Variants in FKBP1B observed in about 807,000 individuals in gnomAD.
The protein encoded by FKBP1B is FKBP prolyl isomerase 1B, also known as peptidyl-prolyl cis-trans isomerase FKBP1B.
Under a neutral mutation model 13.5 loss-of-function variants are expected in FKBP1B, and 4 were observed. The ratio of observed to expected loss-of-function variants is 0.30; its 90% CI spans 0.15 to 0.68. The LOEUF (loss-of-function observed/expected upper bound fraction) is 0.68. FKBP1B is among the 30% of genes least tolerant of loss of function. FKBP1B has a pLI of 0.76. For synonymous variants in FKBP1B, 54 were observed against 53.6 expected (o/e 1.01, Z -0.03); for missense variants, 93 against 136.2 (o/e 0.68, Z 1.58).
rs539307800 is a variant in FKBP1B, at chr2:24,057,668, C to T, written c.86-3146C>T. On this transcript the variant is annotated intron_variant, in intron 2 of 3. Transcript: ENST00000380986. ...GATTACAGGCGTGAGCCACCGGGCCCGGCCACCTGGCTAATTTTTAGTTTT... is the reference window on the plus strand; with the variant it reads ...GATTACAGGCGTGAGCCACCGGGCCTGGCCACCTGGCTAATTTTTAGTTTT... Among the ~76,000 whole-genome samples, 10 of 151,994 alleles carry T rather than the reference C, an allele frequency of 6.6e-5. No homozygotes were observed. The South Asian group carries it at 1.5e-3, about 22-fold the overall frequency.
the FKBP1B span, among the ~76,000 whole-genome samples, chr2:24,042,296 G>C: frequency 6.6e-6 from 1 of 152,028 alleles, no homozygotes; most frequent in East Asian, 1.9e-4. Context: ...CCAGCACTTT[G>C]GGAGGCCGAG....
the FKBP1B span, among the ~76,000 whole-genome samples, chr2:24,036,100 A>ATAAG: frequency 6.7e-6 from 1 of 150,312 alleles, no homozygotes; most frequent in Non-Finnish European, 1.5e-5. Context: ...AAATAAATAA[A>ATAAG]TAAATAAAAT....
chr2:24,036,532 A>G, the FKBP1B span, among the ~76,000 whole-genome samples: 7 of 152,346 alleles, frequency 4.6e-5, no homozygotes, highest in East Asian at 1.9e-4. Context: ...TGGTAACTCA[A>G]TTAAAAGTAG....
chr2:24,048,839 CTG>C (rs1408794164), upstream of FKBP1B, among the ~76,000 whole-genome samples: 2 of 152,160 alleles, frequency 1.3e-5, no homozygotes, highest in Non-Finnish European at 2.9e-5. Flanking sequence ...CATGCAGTAA[CTG>C]TGTGTCCCCG....
At chr2:24,049,613 G>A, upstream of FKBP1B, 1 of 367,066 alleles carries the variant, frequency 2.7e-6, no homozygotes, top group Non-Finnish European at 4.9e-6. Context: ...TAACAGCCGG[G>A]CGGGGTCCCT....
chr2:24,060,158 C>T (rs1664319239), intron 2 of FKBP1B, among the ~76,000 whole-genome samples: 1 of 151,762 alleles, frequency 6.6e-6, no homozygotes, highest in African/African-American at 2.4e-5. Context: ...GCCAAGTGGA[C>T]AATGAAATGG....
At chr2:24,039,602 T>G in the FKBP1B span, 1 of 1,166,646 alleles carries the variant, frequency 8.6e-7, no homozygotes, top group Non-Finnish European at 1.2e-6. Flanking sequence ...CTTAGCCCCT[T>G]CCCAGGTTAA....
chr2:24,042,515 G>A, the FKBP1B span, among the ~76,000 whole-genome samples: 3 of 126,654 alleles, frequency 2.4e-5, no homozygotes, highest in Admixed American at 9.0e-5. Context: ...CAGCCTGGGT[G>A]ACAGAGCAAT....
At chr2:24,061,023 C>T in intron 3 of FKBP1B, 97 bp downstream of exon 3, 1 of 892,448 alleles carries the variant, frequency 1.1e-6, no homozygotes, top group Non-Finnish European at 1.8e-6. Flanking sequence ...TCACAGACCA[C>T]TACTGCTTTG....
chr2:24,059,378 G>GGGGA (rs1553320959), intron 2 of FKBP1B, among the ~76,000 whole-genome samples: 1 of 151,914 alleles, frequency 6.6e-6, no homozygotes, highest in African/African-American at 2.4e-5. Context: ...CACCTGGGGG[G>GGGGA]GGGTTCTGGT....
At chr2:24,045,631 G>GAGGAAGGAAGGAAGGAAGGA (rs4041250), upstream of FKBP1B, among the ~76,000 whole-genome samples, 11 of 106,130 alleles carry the variant, frequency 1.0e-4, no homozygotes, top group Non-Finnish European at 1.6e-4. Flanking sequence ...GAGAGAGAGA[G>GAGGAAGGAAGGAAGGAAGGA]AGGAAGGAAG....
At chr2:24,033,722 CAG>C in the FKBP1B span, among the ~76,000 whole-genome samples, 2 of 152,172 alleles carry the variant, frequency 1.3e-5, no homozygotes, top group African/African-American at 2.4e-5. Context: ...GGCTGAGTGA[CAG>C]AGACAGACTC....
chr2:24,048,386 G>A (rs534666595), upstream of FKBP1B, among the ~76,000 whole-genome samples: 24 of 150,170 alleles, frequency 1.6e-4, no homozygotes, highest in African/African-American at 5.1e-4. Flanking sequence ...CACGAGAATC[G>A]CTTGAACCTG....
In FKBP1B at chr2:24,049,771, A is replaced by G; in HGVS notation, c.-79A>G. On this transcript the variant is annotated 5_prime_UTR_variant, in exon 1 of 4. Coordinates refer to ENST00000380986, the MANE Select transcript of FKBP1B (RefSeq NM_004116.5). ...GGCGGCGAGGAGGCGAGCCGGAGCG[A>G]CGGCGGGGCTGGGGCCGGAGCCGAG... 8.4e-7 allele frequency: 1 copy of G among 1,190,008 alleles called. No individual in the cohort carries two copies. The highest frequency in any genetic ancestry group is 1.1e-6 in the Non-Finnish European group (1 of 933,404). 73.7% of individuals were successfully genotyped at this position (1,190,008 alleles called of 1,614,324 possible). A position where few individuals can be genotyped will look rare whatever the true frequency, so the allele number is the denominator to read the frequency against.
At chr2:24,062,889 T>C in intron 3 of FKBP1B, 175 bp from the exon 4 acceptor site, 2 of 907,304 alleles carry the variant, frequency 2.2e-6, no homozygotes, top group Non-Finnish European at 3.4e-6. Flanking sequence ...AGGCAGAATC[T>C]GCGTTTGTTA....
chr2:24,054,969 G>A (rs992955022), intron 2 of FKBP1B, among the ~76,000 whole-genome samples: 13 of 152,098 alleles, frequency 8.5e-5, no homozygotes, highest in African/African-American at 1.9e-4. Context: ...CAAACATAGC[G>A]GGAGACTATG....
At chr2:24,038,045 T>G in the FKBP1B span, 60 of 1,614,066 alleles carry the variant, frequency 3.7e-5, 3 homozygotes, top group Admixed American at 8.2e-4. Flanking sequence ...TGACTACTGG[T>G]ATTAACTGTC....
At chr2:24,040,000 T>A in the FKBP1B span, among the ~76,000 whole-genome samples, 1,095 of 151,868 alleles carry the variant, frequency 7.2e-3, 10 homozygotes, top group African/African-American at 0.025. Flanking sequence ...GGGGTTTCAC[T>A]ATGTTGGCCA....
At chr2:24,058,072 C>A (rs112421948) in intron 2 of FKBP1B, among the ~76,000 whole-genome samples, 1 of 151,756 alleles carries the variant, frequency 6.6e-6, no homozygotes, top group African/African-American at 2.4e-5. Context: ...TGGTGCATGC[C>A]TGTAATCCCA....
Sources: gnomAD v4.1 joint callset for allele counts (sites outside exome capture counted in the v4.1 genomes callset) on GRCh38, gnomAD v4.1.1 for gene constraint, MANE v1.5 for transcripts, NCBI Gene and HGNC (gene_info 2026-07-23, HGNC 2026-07-21) for gene names.